Variants in THSD7B observed in about 807,000 individuals in gnomAD.
The protein encoded by THSD7B is thrombospondin type-1 domain-containing protein 7B.
THSD7B carries 138 observed loss-of-function variants against 213.6 expected under a neutral mutation model. The observed-to-expected ratio is 0.65, with a 90% CI of 0.56 to 0.74. The LOEUF (loss-of-function observed/expected upper bound fraction) is 0.74, where lower values mean the gene tolerates loss of function less well. Ranked by LOEUF, THSD7B falls within the 30% of genes least tolerant of loss-of-function variation. The pLI is 0.00. For synonymous variants in THSD7B, 742 were observed against 687.0 expected (o/e 1.08, Z -1.25); for missense variants, 1,931 against 1,991.5 (o/e 0.97, Z 0.58).
chr2:136,798,950 C>T (rs1358423973), intron 1 of THSD7B, among the ~76,000 whole-genome samples: 1 of 151,978 alleles, frequency 6.6e-6, no homozygotes. Flanking sequence ...GATTCCCTTG[C>T]CAATTTTTGG....
At chr2:137,236,802 G>T (rs1189620164) in intron 9 of THSD7B, among the ~76,000 whole-genome samples, 1 of 152,090 alleles carries the variant, frequency 6.6e-6, no homozygotes, top group Admixed American at 6.5e-5. Context: ...ATGTATTTCA[G>T]CACAGTGCTT....
intron 17 of THSD7B, among the ~76,000 whole-genome samples, chr2:137,587,374 G>A (rs1010053116): frequency 6.6e-6 from 1 of 152,196 alleles, no homozygotes; most frequent in African/African-American, 2.4e-5. Flanking sequence ...TTCCGTTGCT[G>A]GCGAGGGCCT....
At chr2:137,219,348 C>G (rs1379244196) in intron 7 of THSD7B, among the ~76,000 whole-genome samples, 2 of 152,060 alleles carry the variant, frequency 1.3e-5, no homozygotes, top group Non-Finnish European at 2.9e-5. Context: ...TTCCCAAGTA[C>G]AAGAATTCTT....
chr2:137,022,145 T>A (rs1223312619), intron 2 of THSD7B, among the ~76,000 whole-genome samples: 1 of 152,178 alleles, frequency 6.6e-6, no homozygotes, highest in Admixed American at 6.5e-5. Flanking sequence ...AAAACTATAG[T>A]GAACATATGT....
rs143453565 is a variant in THSD7B at position 137,104,499 on chromosome 2, TAG to T, written c.1199+9382_1199+9383del. On this transcript the variant is annotated intron_variant, in intron 4 of 27. Transcript: ENST00000409968. ...AAAAGAACATCACAAGTAAAAGAAC[TAG>T]AGAAGCACTAGTAAACAAATTCAAA... 8.2e-4 allele frequency among the ~76,000 whole-genome samples: 125 copies of T among 151,948 alleles called. 1 individual carries two copies. The highest frequency in any genetic ancestry group is 1.4e-3 in the Non-Finnish European group (94 of 67,960).
chr2:137,380,257 GAA>G (rs35787240), intron 12 of THSD7B, among the ~76,000 whole-genome samples: 7 of 145,778 alleles, frequency 4.8e-5, no homozygotes, highest in African/African-American at 1.8e-4. Flanking sequence ...ACAAAAAATA[GAA>G]AAAAAAAAAA....
chr2:137,013,688 C>T (rs2104836393), intron 2 of THSD7B, among the ~76,000 whole-genome samples: 1 of 152,190 alleles, frequency 6.6e-6, no homozygotes, highest in East Asian at 1.9e-4. Flanking sequence ...GCCTACCAAC[C>T]CCCTGATCCT....
chr2:137,226,392 T>C (rs1681505360), intron 7 of THSD7B, among the ~76,000 whole-genome samples: 1 of 151,712 alleles, frequency 6.6e-6, no homozygotes, highest in Non-Finnish European at 1.5e-5. Flanking sequence ...ATTTTTTTCT[T>C]TCTCTCTTTA....
chr2:137,647,588 A>G (rs1683058897), intron 21 of THSD7B, among the ~76,000 whole-genome samples: 1 of 152,014 alleles, frequency 6.6e-6, no homozygotes, highest in Admixed American at 6.6e-5. Flanking sequence ...CAACTTCTGG[A>G]CTTAGTGAAA....
rs143644842 is a variant in THSD7B, at chr2:137,600,331, G to C, written c.3424-15844G>C. Among the ~76,000 whole-genome samples the C allele has an allele frequency of 2.3e-3, 351 of 152,258 alleles. 3 individuals carry two copies. Among genetic ancestry groups the C allele is most frequent in the African/African-American group, 8.0e-3 (334 of 41,544 alleles). ...AATAATGACTAACCACATGTATGAAGGTGGTGCCATATGATTACAATGGAA... is the reference window on the plus strand; with the variant it reads ...AATAATGACTAACCACATGTATGAACGTGGTGCCATATGATTACAATGGAA... On this transcript the variant is annotated intron_variant, in intron 17 of 27. Coordinates refer to ENST00000409968, the MANE Select transcript of THSD7B (RefSeq NM_001316349.2).
chr2:137,573,736 G>T (rs1681404460), intron 17 of THSD7B, among the ~76,000 whole-genome samples: 1 of 151,984 alleles, frequency 6.6e-6, no homozygotes, highest in African/African-American at 2.4e-5. Context: ...CTAGTTCATT[G>T]TTCAGCTTAG....
chr2:136,833,247 C>T (rs1479159508), intron 1 of THSD7B, among the ~76,000 whole-genome samples: 1 of 151,100 alleles, frequency 6.6e-6, no homozygotes, highest in Non-Finnish European at 1.5e-5. Context: ...TGCCTGTAGT[C>T]CCAGCTACTC....
At chr2:136,797,013 A>ACACACAC (rs1296588245) in intron 1 of THSD7B, among the ~76,000 whole-genome samples, 3 of 102,442 alleles carry the variant, frequency 2.9e-5, no homozygotes, top group Non-Finnish European at 4.6e-5. Context: ...CACACACACA[A>ACACACAC]CCTAAAAAAA....
chr2:137,507,669 AT>A (rs1488176488), intron 15 of THSD7B, among the ~76,000 whole-genome samples: 1 of 151,852 alleles, frequency 6.6e-6, no homozygotes, highest in South Asian at 2.1e-4. Flanking sequence ...GTTTAAATCC[AT>A]TTTTTTCTGT....
At chr2:137,152,558 G>C (rs888429094) in intron 5 of THSD7B, among the ~76,000 whole-genome samples, 1 of 152,194 alleles carries the variant, frequency 6.6e-6, no homozygotes, top group Admixed American at 6.5e-5. Flanking sequence ...ACGCACCTGA[G>C]TGGTTGTGAT....
At chr2:137,453,504 T>A (rs1049648417) in intron 15 of THSD7B, among the ~76,000 whole-genome samples, 5 of 151,862 alleles carry the variant, frequency 3.3e-5, no homozygotes, top group African/African-American at 1.2e-4. Context: ...TAATTTTTTG[T>A]ATTTTTAGTA....
At chr2:137,078,304 T>C (rs370498666) in intron 3 of THSD7B, among the ~76,000 whole-genome samples, 1 of 152,160 alleles carries the variant, frequency 6.6e-6, no homozygotes, top group Non-Finnish European at 1.5e-5. Context: ...GACTTGGCAA[T>C]GTGGACTCTT....
chr2:136,835,643 C>G (rs1682830838), intron 1 of THSD7B, among the ~76,000 whole-genome samples: 1 of 152,088 alleles, frequency 6.6e-6, no homozygotes, highest in Admixed American at 6.6e-5. Flanking sequence ...GGGGAGTAAC[C>G]CTTTGTTTTA....
At chr2:137,622,655 C>T (rs190902927) in intron 20 of THSD7B, among the ~76,000 whole-genome samples, 7 of 152,132 alleles carry the variant, frequency 4.6e-5, no homozygotes, top group African/African-American at 1.2e-4. Context: ...ATATCACCAC[C>T]GATCCCACAG....
Sources: gnomAD v4.1 joint callset for allele counts (sites outside exome capture counted in the v4.1 genomes callset) on GRCh38, gnomAD v4.1.1 for gene constraint, MANE v1.5 for transcripts, NCBI Gene and HGNC (gene_info 2026-07-23, HGNC 2026-07-21) for gene names.